DCAF5: variants seen among roughly 807,000 people sequenced by gnomAD.
DCAF5 encodes DDB1- and CUL4-associated factor 5.
A neutral mutation model predicts 80.7 loss-of-function variants in DCAF5; 9 were observed. The ratio of observed to expected loss-of-function variants is 0.11; its 90% confidence interval spans 0.07 to 0.19. The LOEUF (loss-of-function observed/expected upper bound fraction) is 0.19. Ranked by LOEUF, DCAF5 falls within the 10% of genes least tolerant of loss-of-function variation. DCAF5 has a pLI of 1.00. For missense variants in DCAF5, 842 were observed against 1,205.7 expected, an observed-to-expected ratio of 0.70 and a Z score of 4.47; for synonymous variants, 433 against 461.9, an observed-to-expected ratio of 0.94 and a Z score of 0.80.
chr14:69,114,043 C>G (rs1251401791), intron 5 of DCAF5, among the ~76,000 whole-genome samples: 1 of 152,088 alleles, frequency 6.6e-6, no homozygotes, highest in Admixed American at 6.6e-5. Context: ...GAACTCAAAA[C>G]AAGATATCAT....
intron 6 of DCAF5, among the ~76,000 whole-genome samples, chr14:69,087,063 G>A (rs373517863): frequency 2.0e-5 from 3 of 152,290 alleles, no homozygotes; most frequent in Non-Finnish European, 2.9e-5. Flanking sequence ...TATCCAGTTC[G>A]AGGCAAACAT....
intron 7 of DCAF5, among the ~76,000 whole-genome samples, chr14:69,064,094 G>A (rs2038339488): frequency 6.6e-6 from 1 of 152,082 alleles, no homozygotes. Flanking sequence ...CCCTAGCACT[G>A]GCTTCCTAAG....
At chr14:69,135,910 A>G (rs1392232047) in intron 1 of DCAF5, among the ~76,000 whole-genome samples, 1 of 152,224 alleles carries the variant, frequency 6.6e-6, no homozygotes, top group Non-Finnish European at 1.5e-5. Context: ...ATGGGAGGAA[A>G]GACCCAAAGT....
chr14:69,111,999 A>G (rs1387612459), intron 5 of DCAF5, among the ~76,000 whole-genome samples: 2 of 152,168 alleles, frequency 1.3e-5, no homozygotes, highest in African/African-American at 4.8e-5. Flanking sequence ...AACTAACATC[A>G]TAAAGGTTTT....
chr14:69,116,946 A>T (rs2040563067), intron 4 of DCAF5, among the ~76,000 whole-genome samples: 1 of 152,168 alleles, frequency 6.6e-6, no homozygotes, highest in Admixed American at 6.5e-5. Context: ...AAAAACAATG[A>T]CAAAATTAAG....
chr14:69,055,153 C>A lies in DCAF5; in HGVS notation c.1533G>T (p.Gln511His). The A allele has an allele frequency of 6.2e-7, 1 of 1,614,256 alleles. No individual in the cohort carries two copies. The highest frequency in any genetic ancestry group is 8.5e-7 in the Non-Finnish European group (1 of 1,180,048). Residue 511 changes from glutamine (Q) to histidine (H), a missense_variant, in exon 9 of 9, where the codon CAG (glutamine) becomes CAT (histidine). Gln to His is a conservative substitution (Grantham distance 24). Transcript: ENST00000341516. This position sits in a 1 kb window ranked among gnomAD's most constrained non-coding sequence, Gnocchi z 5.6. Reference protein sequence around the residue: ...PTCEDAASRQQRLSALRRYQD... With the variant: ...PTCEDAASRQHRLSALRRYQD... ...GGTAGCGCCGCAGAGCAGACAGACG[C>A]TGCTGGCGAGAGGCTGCATCCTCAC... is the stretch of plus-strand genomic sequence containing the variant.
chr14:69,109,696 C>T (rs1042009271), intron 5 of DCAF5, among the ~76,000 whole-genome samples: 5 of 152,162 alleles, frequency 3.3e-5, no homozygotes. Context: ...GGCTATTCCA[C>T]AGTTTATTTA....
At chr14:69,149,818 C>T (rs987980713) in intron 1 of DCAF5, among the ~76,000 whole-genome samples, 3 of 152,204 alleles carry the variant, frequency 2.0e-5, no homozygotes, top group Non-Finnish European at 2.9e-5. Context: ...ATTGGGGATA[C>T]ATAGCATTAG....
chr14:69,151,824 G>C (rs1164050139), intron 1 of DCAF5, among the ~76,000 whole-genome samples: 1 of 152,176 alleles, frequency 6.6e-6, no homozygotes, highest in Non-Finnish European at 1.5e-5. Context: ...CTGTCGCTAG[G>C]AGCCCCGGGA....
At position 69,116,627 on chromosome 14, in the gene DCAF5, G is replaced by A. The variant is rs2040552174; in HGVS notation, c.536-132C>T. 37 of 1,029,562 alleles carry A rather than the reference G, an allele frequency of 3.6e-5. No homozygotes were observed. The South Asian group carries it at 5.5e-4, about 15-fold the overall frequency. The allele number at this position is 1,029,562 out of a possible 1,614,324, so 63.8% of individuals were successfully genotyped here. Reference sequence around the variant, plus strand: ...TCCAACGGCCTGGAGCCCCAAAACAGCACATAATCCCACCAGTCACCTCTA... The same window carrying A: ...TCCAACGGCCTGGAGCCCCAAAACAACACATAATCCCACCAGTCACCTCTA... On this transcript the variant is annotated intron_variant, in intron 4 of 8. Coordinates refer to ENST00000341516, the MANE Select transcript of DCAF5 (RefSeq NM_003861.3).
intron 7 of DCAF5, among the ~76,000 whole-genome samples, chr14:69,074,875 A>G (rs766214361): frequency 3.3e-5 from 5 of 152,078 alleles, no homozygotes; most frequent in Non-Finnish European, 2.9e-5. Context: ...TTCTACTAAA[A>G]ATACAAAAAA....
rs1329934186 is a variant in DCAF5 at position 69,051,151 on chromosome 14, G to A, written c.*2706C>T. On this transcript the variant is annotated 3_prime_UTR_variant, in exon 9 of 9. Transcript: ENST00000341516. Reference sequence around the variant, plus strand: ...AACAAAACCAGCTGGAAAATAGAGAGAAATGATTTTACATATCTGGACCTG... The same window carrying A: ...AACAAAACCAGCTGGAAAATAGAGAAAAATGATTTTACATATCTGGACCTG... 3.9e-5 allele frequency: 6 copies of A among 152,544 alleles called. No individual in the cohort carries two copies. Among genetic ancestry groups the A allele is most frequent in the Non-Finnish European group, 8.8e-5 (6 of 68,038 alleles). The allele number at this position is 152,544 out of a possible 1,614,324, so 9.4% of individuals were successfully genotyped here. A position where few individuals can be genotyped will look rare whatever the true frequency, so the allele number is the denominator to read the frequency against.
chr14:69,150,770 T>C (rs1465958556), intron 1 of DCAF5, among the ~76,000 whole-genome samples: 4 of 151,578 alleles, frequency 2.6e-5, no homozygotes, highest in Admixed American at 2.0e-4. Context: ...CACCTGCCTG[T>C]AGTCCCAGCT....
intron 6 of DCAF5, among the ~76,000 whole-genome samples, chr14:69,086,228 C>T (rs745560338): frequency 2.0e-5 from 3 of 152,024 alleles, no homozygotes; most frequent in Non-Finnish European, 4.4e-5. Context: ...CGTGGTGGCG[C>T]GTGCCTATAA....
intron 7 of DCAF5, among the ~76,000 whole-genome samples, chr14:69,064,361 A>T (rs994156415): frequency 2.0e-5 from 3 of 152,300 alleles, no homozygotes; most frequent in Admixed American, 2.0e-4. Context: ...TGGGGTGGTT[A>T]AGCAAAGAAA....
chr14:69,120,197 C>T (rs1019083079), intron 2 of DCAF5, among the ~76,000 whole-genome samples: 2 of 152,098 alleles, frequency 1.3e-5, no homozygotes, highest in East Asian at 3.9e-4. Flanking sequence ...AATCTTCCCA[C>T]CTCTGCCTCT....
At chr14:69,069,406 C>CAAT (rs2038596147) in intron 7 of DCAF5, among the ~76,000 whole-genome samples, 1 of 152,146 alleles carries the variant, frequency 6.6e-6, no homozygotes, top group Admixed American at 6.5e-5. Context: ...CAAGGAAGGA[C>CAAT]AATGTCTTGA....
intron 1 of DCAF5, among the ~76,000 whole-genome samples, chr14:69,126,543 T>A (rs1448731318): frequency 6.6e-6 from 1 of 152,180 alleles, no homozygotes; most frequent in Non-Finnish European, 1.5e-5. Context: ...GCAAATTCAT[T>A]TTATGCATAT....
At position 69,152,811 on chromosome 14, in the gene DCAF5, G is replaced by C; in HGVS notation, c.168C>G (p.Val56=). ...CATTGTTGGAGAATTCAATGGCATT[G>C]ACACAGCCGAAGTGGCCGAGGAGGT... ...KKDLLGHFGC[V]NAIEFSNNGG... is the part of the protein sequence containing the mutation. The change falls in exon 1 of 9, where the codon GTC becomes GTG. Residue 56 remains valine, a synonymous_variant. Coordinates refer to ENST00000341516, the MANE Select transcript of DCAF5 (RefSeq NM_003861.3). The surrounding 1 kb of genome is among the most constrained non-coding windows in gnomAD (Gnocchi z 4.1). The C allele has an allele frequency of 1.2e-6, 2 of 1,614,100 alleles. No homozygotes were observed. Among genetic ancestry groups the C allele is most frequent in the Non-Finnish European group, 1.7e-6 (2 of 1,179,998 alleles).
Sources: gnomAD v4.1 joint callset for allele counts (sites outside exome capture counted in the v4.1 genomes callset) on GRCh38, gnomAD v4.1.1 for gene constraint, Gnocchi (gnomAD v3.1) non-coding constraint, MANE v1.5 for transcripts, NCBI Gene and HGNC (gene_info 2026-07-23, HGNC 2026-07-21) for gene names.